The following PRKD1 variants were observed in gnomAD, a reference collection of about 807,000 sequenced individuals.
PRKD1 encodes the protein protein kinase D1.
Under a neutral mutation model 95.9 loss-of-function variants are expected in PRKD1, and 63 were observed. The observed-to-expected ratio is 0.66, with a 90% CI of 0.54 to 0.81. PRKD1 has a LOEUF of 0.81. Among genes scored for constraint, PRKD1 ranks in the 30% least tolerant of loss-of-function variants. The pLI is 0.00. For synonymous variants in PRKD1, 425 were observed against 423.1 expected, an observed-to-expected ratio of 1.00 and a Z score of -0.05; for missense variants, 1,048 against 1,165.3, an observed-to-expected ratio of 0.90 and a Z score of 1.47.
Position 29,676,035 on chromosome 14 carries a change from G to A in PRKD1, c.404-9827C>T, listed in dbSNP as rs574867330. ...AGGAGATATACCTAATGTAAATGAC[G>A]CGTTAATGGGTGCAGCACACCAACA... On this transcript the variant is annotated intron_variant, in intron 2 of 17. Transcript: ENST00000331968. 1.4e-3 allele frequency among the ~76,000 whole-genome samples: 213 copies of A among 151,378 alleles called. 1 individual carries two copies. Among genetic ancestry groups the A allele is most frequent in the African/African-American group, 4.7e-3 (195 of 41,226 alleles).
chr14:29,590,863 C>G (rs1167769095), intron 16 of PRKD1, among the ~76,000 whole-genome samples: 1 of 152,144 alleles, frequency 6.6e-6, no homozygotes, highest in Non-Finnish European at 1.5e-5. Context: ...CTTGCACCCT[C>G]TGCCTCCTGG....
intron 1 of PRKD1, among the ~76,000 whole-genome samples, chr14:29,726,989 G>A (rs1186811341): frequency 6.6e-6 from 1 of 152,144 alleles, no homozygotes; most frequent in Non-Finnish European, 1.5e-5. Context: ...CTTCCACAAT[G>A]GTTGAACTAG....
chr14:29,661,234 A>T (rs1882172833), intron 4 of PRKD1, among the ~76,000 whole-genome samples: 1 of 152,228 alleles, frequency 6.6e-6, no homozygotes, highest in Admixed American at 6.5e-5. Flanking sequence ...TATTTGAGAG[A>T]AAATATACTT....
At chr14:29,763,691 T>C (rs905661402) in intron 1 of PRKD1, among the ~76,000 whole-genome samples, 2 of 152,054 alleles carry the variant, frequency 1.3e-5, no homozygotes, top group African/African-American at 4.8e-5. Context: ...AACTGAGGAT[T>C]TGGCCTGTGT....
intron 16 of PRKD1, among the ~76,000 whole-genome samples, chr14:29,586,169 G>T (rs1388985914): frequency 1.3e-5 from 2 of 152,104 alleles, no homozygotes; most frequent in Admixed American, 6.6e-5. Flanking sequence ...TGCCCAAAGG[G>T]TCCTTGAATA....
chr14:29,591,427 G>T (rs753745131), intron 16 of PRKD1: 1 of 152,072 alleles, frequency 6.6e-6, no homozygotes, highest in Non-Finnish European at 1.5e-5. Flanking sequence ...TCTATCAGCT[G>T]TAAGTTATTT....
At chr14:29,784,711 C>T (rs550275427) in intron 1 of PRKD1, among the ~76,000 whole-genome samples, 7 of 152,134 alleles carry the variant, frequency 4.6e-5, no homozygotes, top group African/African-American at 7.2e-5. Context: ...CACGGTTCAG[C>T]GTTCAGGGAT....
At chr14:29,632,995 TC>T (rs949046920) in intron 8 of PRKD1, 49 bp from the exon 9 acceptor site, 3 of 1,491,910 alleles carry the variant, frequency 2.0e-6, no homozygotes, top group Admixed American at 3.3e-5. Context: ...TTTAAAAATA[TC>T]CCCAATTGAA....
chr14:29,782,046 C>A (rs1182677402), intron 1 of PRKD1, among the ~76,000 whole-genome samples: 1 of 152,068 alleles, frequency 6.6e-6, no homozygotes, highest in African/African-American at 2.4e-5. Flanking sequence ...TGCTTTACAC[C>A]CTAATATTCC....
rs187650956 is a variant in PRKD1, at chr14:29,628,511, C to G, written c.1725+530G>C. Among the ~76,000 whole-genome samples, 251 of 152,232 alleles carry G rather than the reference C, an allele frequency of 1.6e-3. 1 individual carries two copies. The highest frequency in any genetic ancestry group is 2.5e-3 in the Non-Finnish European group (168 of 68,006). On this transcript the variant is annotated intron_variant, in intron 11 of 17. Coordinates refer to ENST00000331968, the MANE Select transcript of PRKD1 (RefSeq NM_002742.3). The stretch of plus-strand genomic sequence containing the variant: ...AAACTGAGCTGCAAGGATGGAGTTA[C>G]GTGGCGCAGATGACTAGGGTGCTAA...
At chr14:29,631,171 A>C in intron 9 of PRKD1, 150 bp from the exon 10 acceptor site, 2 of 779,888 alleles carry the variant, frequency 2.6e-6, no homozygotes, top group Non-Finnish European at 3.9e-6. Context: ...GAATACTGCT[A>C]AGCAAAATTA....
intron 16 of PRKD1, among the ~76,000 whole-genome samples, chr14:29,585,593 A>G (rs1472437067): frequency 6.6e-6 from 1 of 152,208 alleles, no homozygotes; most frequent in Non-Finnish European, 1.5e-5. Flanking sequence ...GATCATGTTC[A>G]TACTGGACTT....
chr14:29,796,852 TTGCA>T (rs1889839794), intron 1 of PRKD1, among the ~76,000 whole-genome samples: 1 of 151,994 alleles, frequency 6.6e-6, no homozygotes, highest in African/African-American at 2.4e-5. Flanking sequence ...ACATGTTGAG[TTGCA>T]CTGCAAAGGG....
chr14:29,604,116 A>G (rs182600895), intron 13 of PRKD1, among the ~76,000 whole-genome samples: 1 of 152,176 alleles, frequency 6.6e-6, no homozygotes, highest in African/African-American at 2.4e-5. Flanking sequence ...AAAATAAAGA[A>G]TTGACTAATT....
Position 29,902,220 on chromosome 14 carries a change from T to C in PRKD1, c.264+25029A>G, listed in dbSNP as rs558302207. The stretch of plus-strand genomic sequence containing the variant: ...GTTGCAGTGAGCTAAGATCACGCCA[T>C]TGCACTCCAGCCTGGGCAACAAGAG... On this transcript the variant is annotated intron_variant, in intron 1 of 17. Coordinates refer to ENST00000331968, the MANE Select transcript of PRKD1 (RefSeq NM_002742.3). Among the ~76,000 whole-genome samples, 19 of 151,382 alleles carry C rather than the reference T, an allele frequency of 1.3e-4. No individual in the cohort carries two copies. The South Asian group carries it at 3.8e-3, about 30-fold the overall frequency.
chr14:29,765,022 A>G (rs545051860), intron 1 of PRKD1, among the ~76,000 whole-genome samples: 1 of 152,276 alleles, frequency 6.6e-6, no homozygotes, highest in South Asian at 2.1e-4. Context: ...GCCCATTACT[A>G]AAACCCCCAA....
chr14:29,733,101 T>TTTA (rs1280712607), intron 1 of PRKD1, among the ~76,000 whole-genome samples: 1 of 141,776 alleles, frequency 7.1e-6, no homozygotes, highest in African/African-American at 2.6e-5. Context: ...TTAATTTTTA[T>TTTA]TTATTTATTT....
chr14:29,905,717 G>A (rs1034118692), intron 1 of PRKD1, among the ~76,000 whole-genome samples: 1 of 152,130 alleles, frequency 6.6e-6, no homozygotes, highest in African/African-American at 2.4e-5. Context: ...CCTCCTCAAG[G>A]TTGACTGCAG....
chr14:29,879,735 T>A (rs1432033015), intron 1 of PRKD1, among the ~76,000 whole-genome samples: 1 of 151,992 alleles, frequency 6.6e-6, no homozygotes, highest in Non-Finnish European at 1.5e-5. Flanking sequence ...ACACTGATAG[T>A]GATAGGAACA....
Sources: allele counts gnomAD v4.1 joint callset (sites outside exome capture counted in the v4.1 genomes callset), GRCh38; gene constraint gnomAD v4.1.1; transcripts MANE v1.5; gene names NCBI Gene and HGNC (gene_info 2026-07-23, HGNC 2026-07-21).